Variants in CCDC175 observed in about 807,000 individuals in gnomAD.
CCDC175 encodes coiled-coil domain-containing protein 175.
Under a neutral mutation model 114.6 loss-of-function variants are expected in CCDC175, and 100 were observed. That is an observed-to-expected ratio of 0.87 (90% CI 0.74 to 1.03). The LOEUF (loss-of-function observed/expected upper bound fraction) is 1.03. CCDC175 is among the 50% of genes least tolerant of loss of function. CCDC175 has a pLI of 0.00. For missense variants in CCDC175, 880 were observed against 917.8 expected (o/e 0.96, Z 0.53); for synonymous variants, 306 against 308.7 (o/e 0.99, Z 0.09).
At chr14:59,508,469 T>TG (rs1892567772) in intron 19 of CCDC175, among the ~76,000 whole-genome samples, 1 of 126,350 alleles carries the variant, frequency 7.9e-6, no homozygotes, top group African/African-American at 3.2e-5. Context: ...GTGCCTGTAG[T>TG]CCCTGCTACT....
At chr14:59,529,981 T>C (rs934798808) in intron 14 of CCDC175, among the ~76,000 whole-genome samples, 6 of 152,200 alleles carry the variant, frequency 3.9e-5, no homozygotes, top group Non-Finnish European at 1.5e-5. Context: ...AGAGATTTAG[T>C]ACTTGCAATG....
chr14:59,567,444 G>A (rs1393647627), intron 4 of CCDC175, among the ~76,000 whole-genome samples: 2 of 152,172 alleles, frequency 1.3e-5, no homozygotes, highest in African/African-American at 4.8e-5. Context: ...GGATTCCCAA[G>A]AAGACTTTTT....
At chr14:59,558,141 G>T (rs943369206) in intron 7 of CCDC175, among the ~76,000 whole-genome samples, 1 of 152,160 alleles carries the variant, frequency 6.6e-6, no homozygotes, top group African/African-American at 2.4e-5. Context: ...AACGTCAGGC[G>T]TCAAGACAGA....
intron 8 of CCDC175, among the ~76,000 whole-genome samples, chr14:59,550,784 T>A (rs193154773): frequency 6.6e-6 from 1 of 152,222 alleles, no homozygotes; most frequent in African/African-American, 2.4e-5. Flanking sequence ...CTGCTTTATA[T>A]CCTGGCCGCA....
intron 19 of CCDC175, among the ~76,000 whole-genome samples, chr14:59,508,718 C>T (rs1892590278): frequency 6.6e-6 from 1 of 151,834 alleles, no homozygotes; most frequent in Admixed American, 6.6e-5. Context: ...GGATTCGTGC[C>T]CTTATCAAAG....
intron 7 of CCDC175, among the ~76,000 whole-genome samples, chr14:59,555,512 T>C (rs547176964): frequency 6.6e-6 from 1 of 152,346 alleles, no homozygotes; most frequent in African/African-American, 2.4e-5. Context: ...AATATCATAC[T>C]GAATGGGCAA....
At chr14:59,524,641 C>T (rs1311135922) in intron 16 of CCDC175, among the ~76,000 whole-genome samples, 1 of 152,266 alleles carries the variant, frequency 6.6e-6, no homozygotes, top group African/African-American at 2.4e-5. Context: ...GGTGCAACTC[C>T]TTTGGGAGAC....
Position 59,574,039 on chromosome 14 carries a change from C to T in CCDC175, c.243+904G>A, listed in dbSNP as rs76743811. Among the ~76,000 whole-genome samples, 1,144 of 152,186 alleles carry T rather than the reference C, an allele frequency of 7.5e-3. 19 individuals carry two copies. The highest frequency in any genetic ancestry group is 0.026 in the African/African-American group (1,096 of 41,520). On this transcript the variant is annotated intron_variant, in intron 2 of 19. Coordinates refer to ENST00000537690, the MANE Select transcript of CCDC175 (RefSeq NM_001164399.2). ...CGAAAGACATAACTGAAAGAAAGAACCAAGCAGGGAAAAATGTTTTCACAG... is the reference window on the plus strand; with the variant it reads ...CGAAAGACATAACTGAAAGAAAGAATCAAGCAGGGAAAAATGTTTTCACAG...
intron 13 of CCDC175, among the ~76,000 whole-genome samples, chr14:59,534,020 G>A (rs1478678273): frequency 6.8e-6 from 1 of 146,906 alleles, no homozygotes; most frequent in South Asian, 2.1e-4. Context: ...ACGCAATCCT[G>A]TATTATCCAT....
chr14:59,519,208 C>G (rs1893284951), intron 17 of CCDC175, among the ~76,000 whole-genome samples: 1 of 151,960 alleles, frequency 6.6e-6, no homozygotes, highest in Non-Finnish European at 1.5e-5. Flanking sequence ...GGAGATATAC[C>G]TAATGTTAAA....
At chr14:59,558,935 C>T (rs1478545191) in intron 7 of CCDC175, among the ~76,000 whole-genome samples, 1 of 151,988 alleles carries the variant, frequency 6.6e-6, no homozygotes, top group Non-Finnish European at 1.5e-5. Context: ...CCAGTGTGAT[C>T]AGTGAAATAA....
At chr14:59,512,079 C>T (rs1027779775) in intron 17 of CCDC175, among the ~76,000 whole-genome samples, 1 of 152,224 alleles carries the variant, frequency 6.6e-6, no homozygotes, top group Non-Finnish European at 1.5e-5. Flanking sequence ...GTCCTGCAAT[C>T]ACCCAGCTTT....
intron 13 of CCDC175, among the ~76,000 whole-genome samples, chr14:59,532,782 C>G (rs1204400306): frequency 2.0e-5 from 3 of 152,164 alleles, no homozygotes; most frequent in African/African-American, 7.2e-5. Flanking sequence ...GCAGAGCCAC[C>G]CTGCCAGCCC....
chr14:59,554,863 T>A (rs1595057656), intron 7 of CCDC175, among the ~76,000 whole-genome samples: 2 of 152,216 alleles, frequency 1.3e-5, no homozygotes, highest in African/African-American at 4.8e-5. Context: ...CTAGAAAATC[T>A]AGAATAAATG....
intron 17 of CCDC175, among the ~76,000 whole-genome samples, chr14:59,514,143 A>G (rs960932073): frequency 6.6e-6 from 1 of 152,232 alleles, no homozygotes; most frequent in Non-Finnish European, 1.5e-5. Context: ...CAGAAAGGAC[A>G]TCCACACCAA....
intron 13 of CCDC175, 84 bp from the exon 14 acceptor site, chr14:59,531,994 G>A: frequency 1.4e-6 from 1 of 693,276 alleles, no homozygotes; most frequent in Admixed American, 3.2e-5. Flanking sequence ...GTTTTTTGAG[G>A]GAAAGAGTTT....
At chr14:59,522,945 G>A (rs929274484) in intron 16 of CCDC175, among the ~76,000 whole-genome samples, 1 of 151,924 alleles carries the variant, frequency 6.6e-6, no homozygotes, top group African/African-American at 2.4e-5. Flanking sequence ...CTTGCCCAGT[G>A]CTTGGGACTC....
At chr14:59,557,766 C>G (rs1254189560) in intron 7 of CCDC175, among the ~76,000 whole-genome samples, 1 of 151,890 alleles carries the variant, frequency 6.6e-6, no homozygotes, top group Admixed American at 6.6e-5. Context: ...CTCCTTTGAA[C>G]TGATGAATTA....
intron 7 of CCDC175, among the ~76,000 whole-genome samples, chr14:59,557,688 G>T (rs1372839682): frequency 6.7e-6 from 1 of 149,690 alleles, no homozygotes; most frequent in Non-Finnish European, 1.5e-5. Flanking sequence ...AAATCAAAAA[G>T]TTCCAGTCCC....
Sources: allele counts gnomAD v4.1 joint callset (sites outside exome capture counted in the v4.1 genomes callset), GRCh38; gene constraint gnomAD v4.1.1; transcripts MANE v1.5; gene names NCBI Gene and HGNC (gene_info 2026-07-23, HGNC 2026-07-21).